The following ATXN7 variants were observed in gnomAD, a reference collection of about 807,000 sequenced individuals.
ATXN7 encodes ataxin 7, also known as ataxin-7.
In ATXN7, 12 loss-of-function variants were observed where a neutral mutation model predicts 70.5. The ratio of observed to expected loss-of-function variants is 0.17; its 90% CI spans 0.11 to 0.28. The LOEUF (loss-of-function observed/expected upper bound fraction) is 0.28. Among genes scored for constraint, ATXN7 ranks in the 10% least tolerant of loss-of-function variants. The probability of loss-of-function intolerance (pLI) is 1.00; values close to 1 mark genes in which losing one functional copy is unlikely to be tolerated. For missense variants in ATXN7, 1,256 were observed against 1,131.7 expected, an observed-to-expected ratio of 1.11 and a Z score of -1.58; for synonymous variants, 498 against 448.7, an observed-to-expected ratio of 1.11 and a Z score of -1.39.
chr3:63,915,536 T>A (rs1380390570), intron 4 of ATXN7, among the ~76,000 whole-genome samples: 1 of 152,230 alleles, frequency 6.6e-6, no homozygotes. Context: ...TAGACTATTA[T>A]TCATTCATTG....
intron 4 of ATXN7, among the ~76,000 whole-genome samples, chr3:63,927,427 C>T (rs547620377): frequency 3.9e-5 from 6 of 152,156 alleles, no homozygotes; most frequent in African/African-American, 1.2e-4. Context: ...ACAATTGGCC[C>T]GGAGGGGGAA....
intron 1 of ATXN7, among the ~76,000 whole-genome samples, chr3:63,886,073 T>G (rs1174967266): frequency 6.6e-6 from 1 of 152,172 alleles, no homozygotes; most frequent in Non-Finnish European, 1.5e-5. Context: ...CTGTTCAGCT[T>G]TAAAAAAGAA....
chr3:63,910,713 T>C (rs1703981629), intron 2 of ATXN7, among the ~76,000 whole-genome samples: 3 of 152,230 alleles, frequency 2.0e-5, no homozygotes, highest in Admixed American at 6.5e-5. Context: ...TTCTACTATT[T>C]TGGTTATTTT....
intron 1 of ATXN7, among the ~76,000 whole-genome samples, chr3:63,875,007 G>T (rs150949754): frequency 6.6e-6 from 1 of 152,154 alleles, no homozygotes; most frequent in African/African-American, 2.4e-5. Flanking sequence ...GACCTCTTTC[G>T]TAATGGCACT....
At chr3:63,918,690 G>T (rs762952011) in intron 4 of ATXN7, among the ~76,000 whole-genome samples, 1 of 152,128 alleles carries the variant, frequency 6.6e-6, no homozygotes, top group Non-Finnish European at 1.5e-5. Context: ...AGGCAAGTCA[G>T]GCTACCATCC....
Position 63,996,283 on chromosome 3 carries a change from A to G in ATXN7, c.2461A>G (p.Ser821Gly). Reference protein sequence around the residue: ...SNELPVNSHGSFSHSHTPLDK... With the variant: ...SNELPVNSHGGFSHSHTPLDK... ...TGAACTGCCTGTCAACTCCCACGGC[A>G]GTTTTTCCCACTCACACACTCCTCT... The change falls in exon 12 of 13, where the codon AGT becomes GGT. Residue 821 changes from serine to glycine, a missense_variant. Transcript: ENST00000674280. The G allele has an allele frequency of 2.5e-6, 4 of 1,614,182 alleles. No individual in the cohort carries two copies. The South Asian group carries it at 3.3e-5, about 13-fold the overall frequency.
chr3:63,999,698 C>A lies in ATXN7; in HGVS notation c.*231C>A, dbSNP rs952731553. On this transcript the variant is annotated 3_prime_UTR_variant, in exon 13 of 13. Transcript: ENST00000674280. ...TGGATCAAGTTCAGCCACCGAATTGCTTTTATCAGTGTTAAAGTGGTCTGA... is the reference window on the plus strand; with the variant it reads ...TGGATCAAGTTCAGCCACCGAATTGATTTTATCAGTGTTAAAGTGGTCTGA... 88 of 734,118 alleles carry A rather than the reference C, an allele frequency of 1.2e-4. No homozygotes were observed. The Middle Eastern group carries it at 1.4e-3, about 11-fold the overall frequency. 45.5% of individuals were successfully genotyped at this position (734,118 alleles called of 1,614,324 possible). A position where few individuals can be genotyped will look rare whatever the true frequency, so the allele number is the denominator to read the frequency against.
chr3:63,933,442 C>T (rs1368450233), intron 4 of ATXN7, among the ~76,000 whole-genome samples: 1 of 152,104 alleles, frequency 6.6e-6, no homozygotes, highest in Non-Finnish European at 1.5e-5. Context: ...TCTGAAAGTA[C>T]CTAGGACATT....
At chr3:63,966,132 A>T (rs1300145215) in intron 5 of ATXN7, among the ~76,000 whole-genome samples, 1 of 152,174 alleles carries the variant, frequency 6.6e-6, no homozygotes, top group Non-Finnish European at 1.5e-5. Flanking sequence ...CTGTGTACGA[A>T]AGGGAATATT....
At chr3:63,887,047 A>C (rs957279108) in intron 1 of ATXN7, among the ~76,000 whole-genome samples, 1 of 152,188 alleles carries the variant, frequency 6.6e-6, no homozygotes, top group Non-Finnish European at 1.5e-5. Flanking sequence ...TTCAATGGGC[A>C]CTGGAAATGT....
intron 9 of ATXN7, among the ~76,000 whole-genome samples, chr3:63,988,686 T>C (rs2075617710): frequency 2.6e-5 from 4 of 152,204 alleles, no homozygotes; most frequent in Admixed American, 2.6e-4. Flanking sequence ...TGTCTTTATA[T>C]AGCAGTGGGA....
chr3:63,895,343 A>G (rs538935880), intron 1 of ATXN7, among the ~76,000 whole-genome samples: 44 of 152,348 alleles, frequency 2.9e-4, no homozygotes, highest in African/African-American at 9.9e-4. Context: ...AAAAGCCAAT[A>G]TAACACTGCC....
At chr3:63,879,172 C>G (rs916409879) in intron 1 of ATXN7, among the ~76,000 whole-genome samples, 3 of 152,210 alleles carry the variant, frequency 2.0e-5, no homozygotes, top group Admixed American at 2.0e-4. Context: ...TTGATTATGA[C>G]TCAGTTCTAT....
chr3:63,947,427 A>T (rs918421662), intron 4 of ATXN7, among the ~76,000 whole-genome samples: 15 of 152,222 alleles, frequency 9.9e-5, no homozygotes, highest in East Asian at 7.8e-4. Flanking sequence ...CTCTACAAAA[A>T]ATAAAACAAA....
chr3:63,977,608 G>GA (rs1348472082), intron 5 of ATXN7, among the ~76,000 whole-genome samples: 1 of 152,020 alleles, frequency 6.6e-6, no homozygotes, highest in East Asian at 1.9e-4. Context: ...TATTGTTTTG[G>GA]AAAAAAATCT....
intron 4 of ATXN7, among the ~76,000 whole-genome samples, chr3:63,929,269 CTTTTT>C (rs1029963204): frequency 7.3e-6 from 1 of 136,648 alleles, no homozygotes; most frequent in Non-Finnish European, 1.6e-5. Flanking sequence ...CTCTCTCTCT[CTTTTT>C]TTTTTTTTTT....
chr3:63,874,363 A>T (rs1005399748), intron 1 of ATXN7, among the ~76,000 whole-genome samples: 4 of 152,212 alleles, frequency 2.6e-5, no homozygotes, highest in Non-Finnish European at 5.9e-5. Context: ...TAAAATACGC[A>T]TGTTAGACTT....
chr3:63,996,617 T>TAAAA (rs752406394), intron 12 of ATXN7, 134 bp downstream of exon 12: 9 of 202,716 alleles, frequency 4.4e-5, no homozygotes, highest in East Asian at 1.9e-4. Context: ...GGTGTCTTCT[T>TAAAA]AAAAAAAAAA....
intron 1 of ATXN7, among the ~76,000 whole-genome samples, chr3:63,868,093 C>G (rs1702489156): frequency 6.6e-6 from 1 of 152,106 alleles, no homozygotes; most frequent in Non-Finnish European, 1.5e-5. Context: ...GGTAGATAAG[C>G]AAAGATTTGA....
Sources: gnomAD v4.1 joint callset for allele counts (sites outside exome capture counted in the v4.1 genomes callset) on GRCh38, gnomAD v4.1.1 for gene constraint, MANE v1.5 for transcripts, NCBI Gene and HGNC (gene_info 2026-07-23, HGNC 2026-07-21) for gene names.